Variants in CCSER1 observed in about 807,000 individuals in gnomAD.
The protein encoded by CCSER1 is serine-rich coiled-coil domain-containing protein 1.
Under a neutral mutation model 82.0 loss-of-function variants are expected in CCSER1, and 41 were observed. The observed-to-expected ratio is 0.50, with a 90% CI of 0.39 to 0.65. The LOEUF is 0.65. Among genes scored for constraint, CCSER1 ranks in the 30% least tolerant of loss-of-function variants. The pLI is 0.00. For missense variants in CCSER1, 1,119 were observed against 1,064.2 expected, an observed-to-expected ratio of 1.05 and a Z score of -0.72; for synonymous variants, 414 against 383.9, an observed-to-expected ratio of 1.08 and a Z score of -0.92.
intron 5 of CCSER1, among the ~76,000 whole-genome samples, chr4:90,474,123 G>C (rs1162877553): frequency 6.8e-6 from 1 of 146,468 alleles, no homozygotes; most frequent in East Asian, 2.0e-4. Context: ...CCTGGTGACA[G>C]AGCAAGATTC....
chr4:91,309,631 T>C (rs138187410), intron 10 of CCSER1, among the ~76,000 whole-genome samples: 92 of 152,136 alleles, frequency 6.0e-4, no homozygotes, highest in African/African-American at 2.1e-3. Flanking sequence ...CAATACTACA[T>C]AAAAGGCTTG....
intron 9 of CCSER1, among the ~76,000 whole-genome samples, chr4:91,041,115 G>T (rs1741921213): frequency 6.6e-6 from 1 of 152,134 alleles, no homozygotes; most frequent in South Asian, 2.1e-4. Flanking sequence ...TAAAAATGTA[G>T]TATCAGGTGG....
At chr4:90,279,508 T>C (rs1337286076) in intron 1 of CCSER1, among the ~76,000 whole-genome samples, 1 of 151,954 alleles carries the variant, frequency 6.6e-6, no homozygotes, top group Non-Finnish European at 1.5e-5. Flanking sequence ...AGATAAAGAA[T>C]TGGGCTAGGA....
At chr4:91,100,702 TA>T (rs1724973286) in intron 10 of CCSER1, among the ~76,000 whole-genome samples, 1 of 152,202 alleles carries the variant, frequency 6.6e-6, no homozygotes, top group Non-Finnish European at 1.5e-5. Context: ...AGGCAGTGCT[TA>T]AGGACTATAG....
intron 10 of CCSER1, among the ~76,000 whole-genome samples, chr4:91,387,230 CCTTT>C (rs1751353751): frequency 6.6e-6 from 1 of 151,680 alleles, no homozygotes; most frequent in East Asian, 1.9e-4. Context: ...CACAAACATA[CCTTT>C]ATAAAGAGAG....
intron 8 of CCSER1, among the ~76,000 whole-genome samples, chr4:90,860,041 A>C (rs1764891025): frequency 6.6e-6 from 1 of 151,720 alleles, no homozygotes; most frequent in Non-Finnish European, 1.5e-5. Flanking sequence ...TTTTGGCATT[A>C]AAGATGACTA....
At chr4:90,639,633 T>C (rs1726113902) in intron 6 of CCSER1, among the ~76,000 whole-genome samples, 2 of 151,912 alleles carry the variant, frequency 1.3e-5, no homozygotes, top group Admixed American at 6.6e-5. Flanking sequence ...TGGTGACAGA[T>C]AGAGAAAAAT....
intron 10 of CCSER1, among the ~76,000 whole-genome samples, chr4:91,170,073 C>T (rs1012814769): frequency 1.3e-5 from 2 of 152,154 alleles, no homozygotes; most frequent in African/African-American, 2.4e-5. Context: ...AGGAAGCAGA[C>T]ATAATGTCTA....
intron 5 of CCSER1, among the ~76,000 whole-genome samples, chr4:90,577,184 G>C (rs756340329): frequency 1.3e-5 from 2 of 152,152 alleles, no homozygotes; most frequent in Non-Finnish European, 2.9e-5. Flanking sequence ...TGACGTATCT[G>C]TTTAGGTCTT....
At chr4:90,361,327 T>C (rs571496731) in intron 3 of CCSER1, among the ~76,000 whole-genome samples, 63 of 152,342 alleles carry the variant, frequency 4.1e-4, no homozygotes, top group Non-Finnish European at 7.9e-4. Flanking sequence ...TTGCTTCTGC[T>C]CCACCTCTCC....
chr4:91,296,498 A>C (rs893418789), intron 10 of CCSER1, among the ~76,000 whole-genome samples: 1 of 117,646 alleles, frequency 8.5e-6, no homozygotes, highest in African/African-American at 3.9e-5. Context: ...TTAATTAAAT[A>C]TACAGTTATC....
chr4:91,125,727 G>T (rs2148898794), intron 10 of CCSER1, among the ~76,000 whole-genome samples: 1 of 151,184 alleles, frequency 6.6e-6, no homozygotes, highest in Non-Finnish European at 1.5e-5. Flanking sequence ...TAGAAAAAGG[G>T]TATACATTTT....
chr4:90,879,741 G>A (rs114953228), intron 8 of CCSER1, among the ~76,000 whole-genome samples: 2,674 of 152,248 alleles, frequency 0.018, 74 homozygotes, highest in African/African-American at 0.057. Flanking sequence ...GAGAACTGGT[G>A]CAGTTGTTTG....
At chr4:91,021,166 A>G (rs1264401140) in intron 9 of CCSER1, among the ~76,000 whole-genome samples, 1 of 152,172 alleles carries the variant, frequency 6.6e-6, no homozygotes, top group Non-Finnish European at 1.5e-5. Flanking sequence ...TTGTTTATTT[A>G]CATAAATCTG....
intron 1 of CCSER1, among the ~76,000 whole-genome samples, chr4:90,138,956 T>TA (rs1724215898): frequency 6.6e-6 from 1 of 152,244 alleles, no homozygotes; most frequent in Admixed American, 6.5e-5. Context: ...CTAGGCCCTA[T>TA]GCATGTATCA....
chr4:90,545,543 C>T (rs1248803281), intron 5 of CCSER1, among the ~76,000 whole-genome samples: 1 of 152,108 alleles, frequency 6.6e-6, no homozygotes, highest in East Asian at 1.9e-4. Context: ...GACAGGTACT[C>T]TGCTTTCTAA....
At chr4:90,378,596 G>T (rs1213835726) in intron 3 of CCSER1, among the ~76,000 whole-genome samples, 2 of 152,132 alleles carry the variant, frequency 1.3e-5, no homozygotes, top group East Asian at 1.9e-4. Context: ...GACTGAACCA[G>T]CATTGAGGAC....
Position 90,707,280 on chromosome 4 carries a change from C to T in CCSER1, c.1933-16634C>T, listed in dbSNP as rs116357975. Among the ~76,000 whole-genome samples, 626 of 151,892 alleles carry T rather than the reference C, an allele frequency of 4.1e-3. 6 individuals are homozygous for T. Among genetic ancestry groups the T allele is most frequent in the African/African-American group, 0.015 (607 of 41,444 alleles). ...ATAATCTTGTTCTCAATCCTATCTC[C>T]GCCAGTGTAGTCATTCACAGTGCAC... On this transcript the variant is annotated intron_variant, in intron 6 of 10. Coordinates refer to ENST00000509176, the MANE Select transcript of CCSER1 (RefSeq NM_001145065.2).
chr4:90,176,375 C>T (rs1240181995), intron 1 of CCSER1, among the ~76,000 whole-genome samples: 1 of 151,832 alleles, frequency 6.6e-6, no homozygotes, highest in African/African-American at 2.4e-5. Flanking sequence ...GCAGAGAAGG[C>T]CTGGAGAAGA....
Sources: allele counts gnomAD v4.1 joint callset (sites outside exome capture counted in the v4.1 genomes callset), GRCh38; gene constraint gnomAD v4.1.1; transcripts MANE v1.5; gene names NCBI Gene and HGNC (gene_info 2026-07-23, HGNC 2026-07-21).